Variants in FNBP1 observed in about 807,000 individuals in gnomAD.
The protein encoded by FNBP1 is formin-binding protein 1.
FNBP1 carries 26 observed loss-of-function variants against 90.6 expected under a neutral mutation model. The observed-to-expected ratio is 0.29, with a 90% confidence interval of 0.21 to 0.40. The LOEUF (loss-of-function observed/expected upper bound fraction) is 0.40. Ranked by LOEUF, FNBP1 falls within the 10% of genes least tolerant of loss-of-function variation. The pLI is 1.00. For missense variants in FNBP1, 635 were observed against 768.0 expected (o/e 0.83, Z 2.05); for synonymous variants, 260 against 265.2 (o/e 0.98, Z 0.19).
chr9:129,934,341 T>C (rs1324899806), intron 6 of FNBP1, among the ~76,000 whole-genome samples: 1 of 152,188 alleles, frequency 6.6e-6, no homozygotes, highest in East Asian at 1.9e-4. Context: ...TTGTTTTACT[T>C]GCAACGAGTC....
chr9:130,003,235 G>T (rs2055130372), intron 1 of FNBP1, among the ~76,000 whole-genome samples: 1 of 152,032 alleles, frequency 6.6e-6, no homozygotes. Flanking sequence ...GAGGCAGGCG[G>T]ATCATGAGGT....
At chr9:130,035,809 G>C (rs567222953) in intron 1 of FNBP1, among the ~76,000 whole-genome samples, 2 of 152,278 alleles carry the variant, frequency 1.3e-5, no homozygotes, top group South Asian at 4.1e-4. Flanking sequence ...AGCCAGGCGT[G>C]GTGGCACACG....
chr9:129,996,506 T>G (rs73672533), intron 1 of FNBP1, among the ~76,000 whole-genome samples: 1,624 of 152,280 alleles, frequency 0.011, 44 homozygotes, highest in African/African-American at 0.037. Context: ...GGCCCCCAAA[T>G]GTTTCAAGTT....
chr9:129,937,945 T>C (rs1341803007), intron 6 of FNBP1, among the ~76,000 whole-genome samples: 1 of 151,430 alleles, frequency 6.6e-6, no homozygotes, highest in Non-Finnish European at 1.5e-5. Context: ...GGCATGTCAG[T>C]TGAGGCCAGG....
chr9:130,053,582 T>C, the FNBP1 span: 8 of 325,550 alleles, frequency 2.5e-5, no homozygotes, highest in Admixed American at 2.9e-4. Flanking sequence ...TGACACAGCT[T>C]ATCCCCCGAC....
intron 1 of FNBP1, among the ~76,000 whole-genome samples, chr9:130,021,573 A>C (rs514972): frequency 0.94 from 143,793 of 152,226 alleles, 67,973 homozygotes; most frequent in East Asian, 0.99. Context: ...CCAATTAATT[A>C]TTTGAATTTA....
In FNBP1 at chr9:130,042,679, G is replaced by T. The variant is rs963869956; in HGVS notation, c.24+273C>A. On this transcript the variant is annotated intron_variant, in intron 1 of 16. Transcript: ENST00000446176. This position sits in a 1 kb window ranked among gnomAD's most constrained non-coding sequence, Gnocchi z 5.5. ...CGACACACACGGCCCGCTCCGGGGC[G>T]CCGGGGACAGGGAGGCCCGCCCGCG... Among the ~76,000 whole-genome samples, 2 of 151,624 alleles carry T rather than the reference G, an allele frequency of 1.3e-5. No individual in the cohort carries two copies. The highest frequency in any genetic ancestry group is 2.4e-5 in the African/African-American group (1 of 41,342).
chr9:129,946,591 A>C (rs1564401363), intron 6 of FNBP1, among the ~76,000 whole-genome samples: 1 of 152,230 alleles, frequency 6.6e-6, no homozygotes, highest in Non-Finnish European at 1.5e-5. Context: ...ATCGGCTCAT[A>C]AATTGAGACT....
At chr9:129,903,053 A>T in intron 12 of FNBP1, 52 bp from the exon 13 acceptor site, 3 of 1,493,086 alleles carry the variant, frequency 2.0e-6, no homozygotes, top group South Asian at 1.2e-5. Flanking sequence ...TTTTTTTTTT[A>T]GACAGTTTCA....
At chr9:129,990,308 A>C (rs2052926758) in intron 2 of FNBP1, among the ~76,000 whole-genome samples, 1 of 152,242 alleles carries the variant, frequency 6.6e-6, no homozygotes. Context: ...AATATAGGAA[A>C]ACTGAAAAAG....
At chr9:130,022,201 A>G (rs2131937870) in intron 1 of FNBP1, among the ~76,000 whole-genome samples, 1 of 151,698 alleles carries the variant, frequency 6.6e-6, no homozygotes, top group Admixed American at 6.6e-5. Flanking sequence ...CATCTAACAT[A>G]AAATTAACTT....
At chr9:130,033,844 T>C (rs1014486735) in intron 1 of FNBP1, among the ~76,000 whole-genome samples, 1 of 10,614 alleles carries the variant, frequency 9.4e-5, no homozygotes, top group Non-Finnish European at 2.1e-4. Context: ...CTACTAAAAA[T>C]ACAAAAAAAA....
intron 2 of FNBP1, among the ~76,000 whole-genome samples, chr9:129,993,276 A>G (rs76266684): frequency 0.079 from 12,037 of 151,742 alleles, 611 homozygotes; most frequent in Middle Eastern, 0.14. Flanking sequence ...TCTAAATCAA[A>G]ATCATCTAGC....
chr9:130,012,053 T>C (rs913721194), intron 1 of FNBP1, among the ~76,000 whole-genome samples: 11 of 152,148 alleles, frequency 7.2e-5, no homozygotes, highest in African/African-American at 2.4e-4. Flanking sequence ...GACAAAGACA[T>C]AGACAAATAC....
At chr9:129,899,586 G>A (rs1016615173) in intron 15 of FNBP1, among the ~76,000 whole-genome samples, 8 of 152,026 alleles carry the variant, frequency 5.3e-5, no homozygotes, top group Non-Finnish European at 8.8e-5. Context: ...AAAATGAGCC[G>A]GACATGGTGG....
chr9:130,043,027 C>G lies in FNBP1; in HGVS notation c.-52G>C, dbSNP rs914103222. 1.6e-6 allele frequency: 2 copies of G among 1,223,086 alleles called. No homozygotes were observed. The highest frequency in any genetic ancestry group is 2.0e-6 in the Non-Finnish European group (2 of 982,000). The allele number at this position is 1,223,086 out of a possible 1,614,324, so 75.8% of individuals were successfully genotyped here. ...CGCGCGGCGGGCGCGGCTCTCTGGT[C>G]CCCCTCCCCGGCGATCCCTTTGCCC... On this transcript the variant is annotated 5_prime_UTR_variant, in exon 1 of 17. Coordinates refer to ENST00000446176, the MANE Select transcript of FNBP1 (RefSeq NM_015033.3).
intron 11 of FNBP1, among the ~76,000 whole-genome samples, chr9:129,914,755 G>GTGTATATA (rs71499203): frequency 0.11 from 10,959 of 97,460 alleles, 1,656 homozygotes; most frequent in East Asian, 0.29. Flanking sequence ...ACATACATAT[G>GTGTATATA]TCTATATATA....
chr9:129,980,112 G>A (rs2050950562), intron 2 of FNBP1, among the ~76,000 whole-genome samples: 1 of 151,090 alleles, frequency 6.6e-6, no homozygotes, highest in African/African-American at 2.4e-5. Context: ...TGTAATCCCA[G>A]TACTTTGGAG....
chr9:129,943,723 T>C (rs1465214010), intron 6 of FNBP1, among the ~76,000 whole-genome samples: 1 of 150,864 alleles, frequency 6.6e-6, no homozygotes, highest in African/African-American at 2.4e-5. Context: ...TCGGGCACGG[T>C]AGCTGACGCC....
Sources: allele counts gnomAD v4.1 joint callset (sites outside exome capture counted in the v4.1 genomes callset), GRCh38; gene constraint gnomAD v4.1.1; non-coding constraint Gnocchi (gnomAD v3.1); transcripts MANE v1.5; gene names NCBI Gene and HGNC (gene_info 2026-07-23, HGNC 2026-07-21).